DIS3L2: variants seen among roughly 807,000 people sequenced by gnomAD.
The protein encoded by DIS3L2 is DIS3-like exonuclease 2.
A neutral mutation model predicts 97.5 loss-of-function variants in DIS3L2; 34 were observed. That is an observed-to-expected ratio of 0.35 (90% CI 0.27 to 0.46). DIS3L2 has a LOEUF of 0.46. Among genes scored for constraint, DIS3L2 ranks in the 20% least tolerant of loss-of-function variants. DIS3L2 has a pLI of 1.00. For missense variants in DIS3L2, 1,038 were observed against 1,146.0 expected (o/e 0.91, Z 1.36); for synonymous variants, 435 against 445.2 (o/e 0.98, Z 0.29).
chr2:232,240,158 AC>A (rs760426480), intron 11 of DIS3L2, among the ~76,000 whole-genome samples: 1 of 152,148 alleles, frequency 6.6e-6, no homozygotes, highest in Non-Finnish European at 1.5e-5. Flanking sequence ...TGGAGGCCCT[AC>A]CTAGGAAGAC....
chr2:232,192,408 A>G (rs1691638963), intron 9 of DIS3L2, among the ~76,000 whole-genome samples: 1 of 152,082 alleles, frequency 6.6e-6, no homozygotes, highest in South Asian at 2.1e-4. Context: ...CCACCTTCTT[A>G]AACCTATGCC....
At chr2:232,055,108 C>G (rs1405765760) in intron 5 of DIS3L2, among the ~76,000 whole-genome samples, 2 of 152,150 alleles carry the variant, frequency 1.3e-5, no homozygotes, top group African/African-American at 2.4e-5. Context: ...ATAAAGGCTC[C>G]TTACAAAAGC....
chr2:232,122,849 T>C (rs1185765911), intron 6 of DIS3L2, among the ~76,000 whole-genome samples: 1 of 152,192 alleles, frequency 6.6e-6, no homozygotes, highest in African/African-American at 2.4e-5. Flanking sequence ...ATATAAACTA[T>C]TTCCAGTGGG....
At chr2:231,969,795 A>T (rs1574772778) in intron 1 of DIS3L2, among the ~76,000 whole-genome samples, 1 of 152,194 alleles carries the variant, frequency 6.6e-6, no homozygotes, top group Non-Finnish European at 1.5e-5. Flanking sequence ...TTCTTCTCTT[A>T]GGGAGAAAGC....
chr2:232,100,829 G>GTGTA (rs149798372), intron 6 of DIS3L2, among the ~76,000 whole-genome samples: 1,565 of 148,136 alleles, frequency 0.011, 32 homozygotes, highest in African/African-American at 0.037. Flanking sequence ...GTGTGTGTGT[G>GTGTA]TATATATATC....
chr2:232,029,988 C>A lies in DIS3L2; in HGVS notation c.274C>A (p.Arg92=). The A allele has an allele frequency of 6.3e-7, 1 of 1,597,906 alleles. No individual in the cohort carries two copies. Among genetic ancestry groups the A allele is most frequent in the Non-Finnish European group, 8.5e-7 (1 of 1,174,338 alleles). The change falls in exon 5 of 21, where the codon CGA becomes AGA. Residue 92 remains arginine (R), a synonymous_variant. Coordinates refer to ENST00000325385, the MANE Select transcript of DIS3L2 (RefSeq NM_152383.5). ...TCTTTTTCCAACCTAGGATGGTGAT[C>A]GAGACATTTTTATTGATGGGGTTGT... The part of the protein sequence containing the change: ...EAFIPSPDGD[R]DIFIDGVVAR...
At chr2:232,278,321 T>C (rs1694198735) in intron 13 of DIS3L2, among the ~76,000 whole-genome samples, 1 of 152,192 alleles carries the variant, frequency 6.6e-6, no homozygotes, top group Non-Finnish European at 1.5e-5. Context: ...TTTTCCCTGC[T>C]AAGGTATACT....
intron 8 of DIS3L2, among the ~76,000 whole-genome samples, chr2:232,137,368 A>G (rs767497955): frequency 1.2e-4 from 19 of 152,372 alleles, no homozygotes; most frequent in South Asian, 8.3e-4. Flanking sequence ...TTTTCTTCTT[A>G]GAACTGGTAT....
chr2:232,300,621 T>C (rs1208767023), intron 14 of DIS3L2, among the ~76,000 whole-genome samples: 7 of 151,652 alleles, frequency 4.6e-5, no homozygotes, highest in Admixed American at 4.6e-4. Flanking sequence ...CATACTTTCA[T>C]AGCACCTCCT....
intron 5 of DIS3L2, among the ~76,000 whole-genome samples, chr2:232,069,659 A>G (rs551675254): frequency 1.0e-3 from 155 of 152,280 alleles, no homozygotes; most frequent in Non-Finnish European, 1.6e-3. Flanking sequence ...TTAAGAGCTT[A>G]TCGGGTTTTG....
intron 1 of DIS3L2, among the ~76,000 whole-genome samples, chr2:231,988,691 A>C (rs1382968259): frequency 1.3e-5 from 2 of 152,174 alleles, no homozygotes; most frequent in Non-Finnish European, 2.9e-5. Flanking sequence ...TTAGGGCTGA[A>C]AGTCTGTTGG....
At chr2:232,168,120 T>C (rs994258644) in intron 9 of DIS3L2, among the ~76,000 whole-genome samples, 70 of 152,190 alleles carry the variant, frequency 4.6e-4, no homozygotes, top group African/African-American at 1.6e-3. Flanking sequence ...TTTTGTAGTT[T>C]ATACACTTAC....
intron 1 of DIS3L2, among the ~76,000 whole-genome samples, chr2:231,996,616 G>A (rs1195355946): frequency 6.6e-6 from 1 of 152,124 alleles, no homozygotes; most frequent in Non-Finnish European, 1.5e-5. Context: ...AGTATTTTTT[G>A]TACATTTGCC....
At chr2:232,130,579 G>A in intron 6 of DIS3L2, 40 bp from the exon 7 acceptor site, 2 of 1,586,942 alleles carry the variant, frequency 1.3e-6, no homozygotes, top group South Asian at 2.3e-5. Flanking sequence ...ATATGCATCT[G>A]GTTGATGACT....
chr2:232,063,011 TTTAC>T (rs1695755639), intron 5 of DIS3L2, among the ~76,000 whole-genome samples: 2 of 152,132 alleles, frequency 1.3e-5, no homozygotes, highest in Admixed American at 6.5e-5. Context: ...TCACATTATA[TTTAC>T]TTTTTTGCTC....
At position 232,161,378 on chromosome 2, in the gene DIS3L2, C is replaced by T. The variant is rs145372490; in HGVS notation, c.951-2081C>T. On this transcript the variant is annotated intron_variant, in intron 8 of 20. Transcript: ENST00000325385. ...TGTGAGCATTTAATGCTGTAAATTACCCTCCAACCACTATTTTAGCTACTT... is the reference window on the plus strand; with the variant it reads ...TGTGAGCATTTAATGCTGTAAATTATCCTCCAACCACTATTTTAGCTACTT... Among the ~76,000 whole-genome samples, 15 of 152,294 alleles carry T rather than the reference C, an allele frequency of 9.8e-5. No individual in the cohort carries two copies. The East Asian group carries it at 2.3e-3, about 24-fold the overall frequency.
chr2:231,962,555 C>T (rs1441752441), intron 1 of DIS3L2, among the ~76,000 whole-genome samples: 2 of 152,012 alleles, frequency 1.3e-5, no homozygotes, highest in African/African-American at 2.4e-5. Context: ...CTGCCTCAGC[C>T]TCCCGAGTAG....
chr2:232,311,622 CCTCA>C (rs1695137803), intron 14 of DIS3L2, among the ~76,000 whole-genome samples: 1 of 152,096 alleles, frequency 6.6e-6, no homozygotes, highest in African/African-American at 2.4e-5. Flanking sequence ...CCCATGTGCC[CCTCA>C]CTCCTCCCAA....
intron 20 of DIS3L2, 86 bp downstream of exon 20, chr2:232,335,960 T>C: frequency 1.9e-6 from 3 of 1,540,790 alleles, no homozygotes; most frequent in Non-Finnish European, 1.8e-6. Context: ...TTCATCTGTG[T>C]CCCCTGGGCT....
Sources: allele counts gnomAD v4.1 joint callset (sites outside exome capture counted in the v4.1 genomes callset), GRCh38; gene constraint gnomAD v4.1.1; transcripts MANE v1.5; gene names NCBI Gene and HGNC (gene_info 2026-07-23, HGNC 2026-07-21).